The following KIF26B variants were observed in gnomAD, a reference collection of about 807,000 sequenced individuals.
KIF26B encodes kinesin family member 26B, also known as kinesin-like protein KIF26B.
In KIF26B, 63 loss-of-function variants were observed where a neutral mutation model predicts 151.2. The observed-to-expected ratio is 0.42, with a 90% CI of 0.34 to 0.51. The LOEUF is 0.51. Among genes scored for constraint, KIF26B ranks in the 20% least tolerant of loss-of-function variants. The probability of loss-of-function intolerance (pLI) is 0.07; values close to 1 mark genes in which losing one functional copy is unlikely to be tolerated. For missense variants in KIF26B, 2,813 were observed against 2,913.6 expected (o/e 0.97, Z 0.79); for synonymous variants, 1,357 against 1,262.1 (o/e 1.08, Z -1.59).
chr1:245,586,450 T>C (rs894781201), intron 5 of KIF26B, among the ~76,000 whole-genome samples: 12 of 152,200 alleles, frequency 7.9e-5, no homozygotes, highest in African/African-American at 2.9e-4. Flanking sequence ...TTATTTTCCT[T>C]CTCTGTCCCT....
chr1:245,261,544 T>TCTCCCTCC (rs1670645879), intron 2 of KIF26B, among the ~76,000 whole-genome samples: 1 of 126,472 alleles, frequency 7.9e-6, no homozygotes, highest in African/African-American at 2.9e-5. Flanking sequence ...TCTCCCCCTC[T>TCTCCCTCC]CTCCCTCCCT....
In KIF26B at chr1:245,692,265, G is replaced by A. The variant is rs571570187; in HGVS notation, c.5824+3458G>A. On this transcript the variant is annotated intron_variant, in intron 12 of 14. Transcript: ENST00000407071. ...GGCACAGGGGACAAGGCCACTGTAAGAAGTTTGTAATCTAATTGGAGAGAA... is the reference window on the plus strand; with the variant it reads ...GGCACAGGGGACAAGGCCACTGTAAAAAGTTTGTAATCTAATTGGAGAGAA... Among the ~76,000 whole-genome samples, 221 of 152,280 alleles carry A rather than the reference G, an allele frequency of 1.5e-3. 3 individuals carry two copies. In the Middle Eastern group the frequency reaches 0.024, roughly 16 times the overall value.
Position 245,698,438 on chromosome 1 carries a change from G to A in KIF26B, c.6027+130G>A. Reference sequence around the variant, plus strand: ...TTCCCAGCGGGCTTCTGGCATGGGTGGTGGGAAGGGGGCTTCTGTCCCAGC... The same window carrying A: ...TTCCCAGCGGGCTTCTGGCATGGGTAGTGGGAAGGGGGCTTCTGTCCCAGC... On this transcript the variant is annotated intron_variant, in intron 13 of 14. Coordinates refer to ENST00000407071, the MANE Select transcript of KIF26B (RefSeq NM_018012.4). This position sits in a 1 kb window ranked among gnomAD's most constrained non-coding sequence, Gnocchi z 4.0. 1.3e-6 allele frequency: 1 copy of A among 767,558 alleles called. No homozygotes were observed. Among genetic ancestry groups the A allele is most frequent in the Non-Finnish European group, 2.1e-6 (1 of 481,656 alleles). The allele number at this position is 767,558 out of a possible 1,614,324, so 47.5% of individuals were successfully genotyped here.
At chr1:245,168,176 C>T (rs1024669185) in intron 2 of KIF26B, among the ~76,000 whole-genome samples, 44 of 152,198 alleles carry the variant, frequency 2.9e-4, no homozygotes, top group Non-Finnish European at 5.9e-5. Context: ...AACCCAGATT[C>T]CACAGGGATG....
At chr1:245,486,323 A>G (rs1158630585) in intron 4 of KIF26B, among the ~76,000 whole-genome samples, 2 of 152,206 alleles carry the variant, frequency 1.3e-5, no homozygotes, top group African/African-American at 2.4e-5. Flanking sequence ...AGCATCTGTC[A>G]ATTTGATAAA....
chr1:245,427,586 C>T (rs1259904524), intron 4 of KIF26B, among the ~76,000 whole-genome samples: 3 of 152,184 alleles, frequency 2.0e-5, no homozygotes, highest in African/African-American at 7.2e-5. Flanking sequence ...CCAGCCTGGA[C>T]AGCAAGGGTG....
chr1:245,500,569 A>G (rs1660599917), intron 4 of KIF26B, among the ~76,000 whole-genome samples: 2 of 152,250 alleles, frequency 1.3e-5, no homozygotes, highest in South Asian at 4.1e-4. Context: ...CCTGAAGCAA[A>G]TTGGCAAGCG....
intron 2 of KIF26B, among the ~76,000 whole-genome samples, chr1:245,192,778 G>A (rs1669130916): frequency 6.6e-6 from 1 of 152,210 alleles, no homozygotes. Flanking sequence ...TTGATTGTGT[G>A]GTATCACAGA....
intron 2 of KIF26B, among the ~76,000 whole-genome samples, chr1:245,324,951 C>T (rs928888688): frequency 2.6e-5 from 4 of 151,686 alleles, no homozygotes; most frequent in African/African-American, 7.3e-5. Context: ...AAAAATTAGC[C>T]AGGTGTGGTG....
chr1:245,210,394 A>C (rs1201377734), intron 2 of KIF26B, among the ~76,000 whole-genome samples: 4 of 151,976 alleles, frequency 2.6e-5, no homozygotes, highest in Non-Finnish European at 5.9e-5. Context: ...TGGATTACTC[A>C]GTATTTTTCA....
chr1:245,193,676 T>C (rs186819670), intron 2 of KIF26B, among the ~76,000 whole-genome samples: 68 of 152,312 alleles, frequency 4.5e-4, no homozygotes, highest in Middle Eastern at 3.4e-3. Context: ...ACTGTTATCA[T>C]CCCAGTTTTA....
chr1:245,205,425 C>T (rs1395286655), intron 2 of KIF26B, among the ~76,000 whole-genome samples: 2 of 152,074 alleles, frequency 1.3e-5, no homozygotes, highest in Non-Finnish European at 2.9e-5. Flanking sequence ...CTTATTGAAT[C>T]TTATAAGAAT....
Position 245,156,216 on chromosome 1 carries a change from A to G in KIF26B, c.64-66A>G, listed in dbSNP as rs1486212291. The stretch of plus-strand genomic sequence containing the variant: ...GCGGGTACTTGGTGGCGCACGTATG[A>G]CCCAGCTCCTGGGCGCTGCAGCCCG... On this transcript the variant is annotated intron_variant, in intron 1 of 14. Coordinates refer to ENST00000407071, the MANE Select transcript of KIF26B (RefSeq NM_018012.4). 3 of 1,513,198 alleles carry G rather than the reference A, an allele frequency of 2.0e-6. No homozygotes were observed. In the African/African-American group the frequency reaches 4.2e-5, roughly 21 times the overall value. The allele number at this position is 1,513,198 out of a possible 1,614,324, so 93.7% of individuals were successfully genotyped here.
intron 4 of KIF26B, among the ~76,000 whole-genome samples, chr1:245,424,181 C>T (rs1768098): frequency 0.13 from 18,978 of 151,368 alleles, 1,522 homozygotes; most frequent in African/African-American, 0.22. Flanking sequence ...AGATGGAGTC[C>T]CACTCACTCT....
chr1:245,433,078 A>G (rs938766757), intron 4 of KIF26B, among the ~76,000 whole-genome samples: 1 of 152,204 alleles, frequency 6.6e-6, no homozygotes, highest in Admixed American at 6.5e-5. Flanking sequence ...TCATGCTTGC[A>G]TCATATCCAT....
At chr1:245,359,726 C>A (rs187071511) in intron 2 of KIF26B, among the ~76,000 whole-genome samples, 2 of 150,630 alleles carry the variant, frequency 1.3e-5, no homozygotes, top group South Asian at 2.1e-4. Context: ...TCCTTCCTTC[C>A]GATATGGGTT....
intron 2 of KIF26B, among the ~76,000 whole-genome samples, chr1:245,274,795 G>A (rs1670911441): frequency 6.6e-6 from 1 of 151,984 alleles, no homozygotes; most frequent in African/African-American, 2.4e-5. Context: ...GATCCTTGAG[G>A]AATCTTTATA....
At chr1:245,364,533 G>GC (rs1672898419) in intron 2 of KIF26B, among the ~76,000 whole-genome samples, 1 of 145,246 alleles carries the variant, frequency 6.9e-6, no homozygotes, top group Non-Finnish European at 1.5e-5. Context: ...TCATTCTCCT[G>GC]CCTCAGCCTG....
chr1:245,390,943 A>AAAAACAAAAAACAAAACAAAAC (rs1553270126), intron 3 of KIF26B, among the ~76,000 whole-genome samples: 1 of 118,412 alleles, frequency 8.4e-6, no homozygotes, highest in African/African-American at 4.1e-5. Context: ...AAAAAAAAAA[A>AAAAACAAAAAACAAAACAAAAC]AAAAAAAAAC....
Sources: allele counts gnomAD v4.1 joint callset (sites outside exome capture counted in the v4.1 genomes callset), GRCh38; gene constraint gnomAD v4.1.1; non-coding constraint Gnocchi (gnomAD v3.1); transcripts MANE v1.5; gene names NCBI Gene and HGNC (gene_info 2026-07-23, HGNC 2026-07-21).